The following LAMA2 variants were observed in gnomAD, a reference collection of about 807,000 sequenced individuals.
LAMA2 encodes laminin subunit alpha-2.
A neutral mutation model predicts 364.8 loss-of-function variants in LAMA2; 269 were observed. The ratio of observed to expected loss-of-function variants is 0.74; its 90% CI spans 0.67 to 0.82. The LOEUF (loss-of-function observed/expected upper bound fraction) is 0.82. Among genes scored for constraint, LAMA2 ranks in the 40% least tolerant of loss-of-function variants. The pLI, the probability that LAMA2 is intolerant of heterozygous loss-of-function variation, is 0.00. For missense variants in LAMA2, 3,807 were observed against 3,873.2 expected, an observed-to-expected ratio of 0.98 and a Z score of 0.45; for synonymous variants, 1,379 against 1,370.6, an observed-to-expected ratio of 1.01 and a Z score of -0.14.
intron 12 of LAMA2, among the ~76,000 whole-genome samples, chr6:129,224,438 A>G (rs1784099575): frequency 6.6e-6 from 1 of 152,104 alleles, no homozygotes; most frequent in Non-Finnish European, 1.5e-5. Context: ...TTCAAAGGGA[A>G]TGCTTCCAGT....
chr6:129,268,639 T>C (rs923336756), intron 16 of LAMA2, among the ~76,000 whole-genome samples: 5 of 152,190 alleles, frequency 3.3e-5, no homozygotes, highest in African/African-American at 1.2e-4. Context: ...TTCAGCATAA[T>C]TTTGAGAGAA....
At chr6:129,336,688 C>G (rs193132486) in intron 29 of LAMA2, among the ~76,000 whole-genome samples, 1 of 152,302 alleles carries the variant, frequency 6.6e-6, no homozygotes, top group Admixed American at 6.5e-5. Flanking sequence ...GTTTGATGAG[C>G]TATTTCATAG....
chr6:129,066,049 T>TTTTTTTTTTTTC lies in LAMA2; in HGVS notation c.396+6164_396+6165insCTTTTTTTTTTT, dbSNP rs1562206896. On this transcript the variant is annotated intron_variant, in intron 3 of 64. Transcript: ENST00000421865. ...TTGCCCAGTCTCAGGTTTTTTTTTT[T>TTTTTTTTTTTTC]TTTTTTTTTTTTTTGAGACGCAGTC... Among the ~76,000 whole-genome samples the TTTTTTTTTTTTC allele has an allele frequency of 1.4e-4, 13 of 91,882 alleles. 1 individual carries two copies. The highest frequency in any genetic ancestry group is 1.4e-3 in the South Asian group (3 of 2,200). The allele number at this position is 91,882 out of a possible 152,430, so 60.3% of individuals were successfully genotyped here.
Position 129,315,956 on chromosome 6 carries a change from G to A in LAMA2, c.3924+6G>A, listed in dbSNP as rs993217514. The A allele has an allele frequency of 6.2e-7, 1 of 1,613,966 alleles. No individual in the cohort carries two copies. The highest frequency in any genetic ancestry group is 1.1e-5 in the South Asian group (1 of 91,084). ...ATGAAATTGAAATGACAGAGGTAAA[G>A]TTAGTCATTGTTTGGTGCAAAGATA... On this transcript the variant is annotated splice_donor_region_variant and intron_variant, in intron 26 of 64. Transcript: ENST00000421865.
At chr6:129,109,670 A>G (rs1220602396) in intron 4 of LAMA2, among the ~76,000 whole-genome samples, 1 of 152,124 alleles carries the variant, frequency 6.6e-6, no homozygotes, top group Non-Finnish European at 1.5e-5. Context: ...TATCAATATT[A>G]CTTTGACAGA....
intron 24 of LAMA2, 77 bp downstream of exon 24, chr6:129,314,875 G>A (rs537714842): frequency 1.8e-4 from 275 of 1,517,748 alleles, no homozygotes; most frequent in Non-Finnish European, 2.4e-4. Flanking sequence ...GCACTGAGGG[G>A]TAGTAGAAAA....
intron 12 of LAMA2, among the ~76,000 whole-genome samples, chr6:129,222,715 GC>G (rs1403819232): frequency 4.6e-5 from 7 of 152,002 alleles, no homozygotes; most frequent in Non-Finnish European, 7.4e-5. Flanking sequence ...GTGTATACAT[GC>G]CACATTTTCT....
At chr6:129,400,613 C>T (rs1289438028) in intron 37 of LAMA2, among the ~76,000 whole-genome samples, 3 of 152,150 alleles carry the variant, frequency 2.0e-5, no homozygotes, top group Non-Finnish European at 4.4e-5. Flanking sequence ...ATTTGTCTCT[C>T]ACTGATTTTA....
intron 42 of LAMA2, among the ~76,000 whole-genome samples, chr6:129,440,172 A>G (rs1227847558): frequency 1.3e-5 from 2 of 152,116 alleles, no homozygotes; most frequent in East Asian, 1.9e-4. Flanking sequence ...TATACACACT[A>G]GTAGTCATCT....
chr6:128,920,874 G>A (rs1035479006), intron 1 of LAMA2, among the ~76,000 whole-genome samples: 3 of 152,218 alleles, frequency 2.0e-5, no homozygotes, highest in African/African-American at 2.4e-5. Context: ...CAAGGGAGAA[G>A]AAAAGAAAGA....
chr6:129,271,060 G>A (rs1031317607), intron 17 of LAMA2, among the ~76,000 whole-genome samples: 5 of 151,988 alleles, frequency 3.3e-5, no homozygotes, highest in Non-Finnish European at 7.4e-5. Flanking sequence ...GTGCATGCAT[G>A]TACACACCTA....
At chr6:129,474,751 G>A (rs1168651333) in intron 52 of LAMA2, among the ~76,000 whole-genome samples, 1 of 152,178 alleles carries the variant, frequency 6.6e-6, no homozygotes, top group Non-Finnish European at 1.5e-5. Flanking sequence ...AGGTGTGCCT[G>A]TTAAATTCTA....
At chr6:129,084,060 TA>T (rs1774230087) in intron 3 of LAMA2, among the ~76,000 whole-genome samples, 1 of 152,198 alleles carries the variant, frequency 6.6e-6, no homozygotes, top group Non-Finnish European at 1.5e-5. Context: ...TGTTGCTTGA[TA>T]ATATTTGTAA....
Position 129,353,315 on chromosome 6 carries a change from G to A in LAMA2, c.4675G>A (p.Gly1559Ser), listed in dbSNP as rs377630412. ...TGGAGCCACGGGAAGGAAGTGTGAC[G>A]GCTGCAAGCACTGGCATGCACGCGA... Reference protein sequence around the residue: ...RPGATGRKCDGCKHWHAREGW... With the variant: ...RPGATGRKCDSCKHWHAREGW... Residue 1559 changes from glycine to serine, a missense_variant, in exon 32 of 65, where the codon GGC becomes AGC. By Grantham distance (56) the Gly-to-Ser change is moderately conservative. Coordinates refer to ENST00000421865, the MANE Select transcript of LAMA2 (RefSeq NM_000426.4). 1.2e-4 allele frequency: 189 copies of A among 1,613,944 alleles called. No homozygotes were observed. Among genetic ancestry groups the A allele is most frequent in the Middle Eastern group, 1.6e-4 (1 of 6,078 alleles).
At chr6:129,435,314 A>G (rs1308488668) in intron 41 of LAMA2, among the ~76,000 whole-genome samples, 1 of 152,204 alleles carries the variant, frequency 6.6e-6, no homozygotes, top group East Asian at 1.9e-4. Flanking sequence ...AGCTAATATC[A>G]AAAGAGCAGC....
At chr6:128,982,721 G>A (rs934049608) in intron 1 of LAMA2, among the ~76,000 whole-genome samples, 1 of 148,520 alleles carries the variant, frequency 6.7e-6, no homozygotes, top group Non-Finnish European at 1.5e-5. Context: ...TCGTCATTTA[G>A]CATTAGGTAT....
At chr6:129,203,618 G>A (rs1437345548) in intron 12 of LAMA2, among the ~76,000 whole-genome samples, 1 of 152,210 alleles carries the variant, frequency 6.6e-6, no homozygotes, top group Non-Finnish European at 1.5e-5. Context: ...CTGACAGCTT[G>A]ATCTCACATA....
chr6:129,361,228 A>G (rs1056691333), intron 32 of LAMA2, among the ~76,000 whole-genome samples: 2 of 152,214 alleles, frequency 1.3e-5, no homozygotes, highest in African/African-American at 4.8e-5. Flanking sequence ...TTTTAAAACA[A>G]TGATGAACTT....
chr6:129,456,234 C>A, intron 47 of LAMA2, 101 bp from the exon 48 acceptor site: 1 of 1,161,146 alleles, frequency 8.6e-7, no homozygotes, highest in South Asian at 1.2e-5. Flanking sequence ...AAAAACAAGT[C>A]TCCGCATTTT....
Sources: gnomAD v4.1 joint callset for allele counts (sites outside exome capture counted in the v4.1 genomes callset) on GRCh38, gnomAD v4.1.1 for gene constraint, MANE v1.5 for transcripts, NCBI Gene and HGNC (gene_info 2026-07-23, HGNC 2026-07-21) for gene names.